LRP1B: variants seen among roughly 807,000 people sequenced by gnomAD.
The protein encoded by LRP1B is LDL receptor related protein 1B.
A neutral mutation model predicts 556.6 loss-of-function variants in LRP1B; 217 were observed. The ratio of observed to expected loss-of-function variants is 0.39; its 90% confidence interval spans 0.35 to 0.44. LRP1B has a LOEUF of 0.44. Ranked by LOEUF, LRP1B falls within the 20% of genes least tolerant of loss-of-function variation. The pLI is 1.00. For missense variants in LRP1B, 5,053 were observed against 5,620.8 expected (o/e 0.90, Z 3.23); for synonymous variants, 2,047 against 1,865.8 (o/e 1.10, Z -2.50).
At chr2:141,535,307 T>G (rs940689927) in intron 2 of LRP1B, among the ~76,000 whole-genome samples, 1 of 152,252 alleles carries the variant, frequency 6.6e-6, no homozygotes, top group East Asian at 1.9e-4. Context: ...CTTTCAACTT[T>G]TTATGCACGT....
At chr2:140,811,932 C>T (rs1690941734) in intron 32 of LRP1B, among the ~76,000 whole-genome samples, 3 of 151,810 alleles carry the variant, frequency 2.0e-5, no homozygotes, top group African/African-American at 7.3e-5. Context: ...CCCAAAGACT[C>T]AAAAGAAAAT....
At chr2:140,956,134 T>C (rs1695865798) in intron 18 of LRP1B, among the ~76,000 whole-genome samples, 2 of 151,890 alleles carry the variant, frequency 1.3e-5, no homozygotes, top group Middle Eastern at 3.4e-3. Flanking sequence ...ATTTATTGAA[T>C]ATATGATACT....
At chr2:141,771,611 T>C (rs1006799977) in intron 2 of LRP1B, among the ~76,000 whole-genome samples, 7 of 152,260 alleles carry the variant, frequency 4.6e-5, no homozygotes, top group African/African-American at 1.7e-4. Context: ...AGAAATTGAT[T>C]TTATTCCCTA....
intron 41 of LRP1B, among the ~76,000 whole-genome samples, chr2:140,669,290 A>G (rs1685398570): frequency 6.6e-6 from 1 of 152,220 alleles, no homozygotes; most frequent in African/African-American, 2.4e-5. Context: ...AAGTGTTATT[A>G]TTTACACACA....
intron 3 of LRP1B, among the ~76,000 whole-genome samples, chr2:141,463,557 A>AAT (rs1175959235): frequency 4.4e-5 from 1 of 22,828 alleles, no homozygotes; most frequent in Non-Finnish European, 1.2e-4. Context: ...AATTATATAT[A>AAT]ATATATATTA....
rs1331414901 is a variant in LRP1B at position 140,868,169 on chromosome 2, T to C, written c.4264A>G (p.Lys1422Glu). The change falls in exon 26 of 91, where the codon AAA becomes GAA. Residue 1422 changes from lysine to glutamate, a missense_variant. Physicochemically the swap from Lys to Glu is moderately conservative, Grantham distance 56. This residue lies in a region of LRP1B where 3,619 missense variants were observed against 3,931.9 expected (regional missense o/e 0.92). Coordinates refer to ENST00000389484, the MANE Select transcript of LRP1B (RefSeq NM_018557.3). ...AGRKTIYKDMKTGAWPNGLTV... is the reference protein window; with the variant it reads ...AGRKTIYKDMETGAWPNGLTV... ...AGTCCATTAGGCCAAGCCCCAGTTT[T>C]CATGTCTTTATAGATGGTTTTTCTC... 2 of 1,611,924 alleles carry C rather than the reference T, an allele frequency of 1.2e-6. No individual in the cohort carries two copies. The highest frequency in any genetic ancestry group is 2.2e-5 in the South Asian group (2 of 90,948).
intron 15 of LRP1B, among the ~76,000 whole-genome samples, chr2:141,001,891 A>G (rs1237380584): frequency 2.0e-5 from 3 of 152,124 alleles, no homozygotes; most frequent in Non-Finnish European, 4.4e-5. Context: ...AACAACTTTA[A>G]AAGACTCCTT....
intron 7 of LRP1B, among the ~76,000 whole-genome samples, chr2:141,131,513 A>G (rs933087956): frequency 3.3e-5 from 5 of 150,288 alleles, no homozygotes; most frequent in South Asian, 2.1e-4. Flanking sequence ...GGTTTAATAA[A>G]TGATACTCTC....
intron 1 of LRP1B, among the ~76,000 whole-genome samples, chr2:141,960,086 T>C (rs753211435): frequency 4.0e-5 from 6 of 151,868 alleles, no homozygotes; most frequent in African/African-American, 9.7e-5. Context: ...GAGAGGGACA[T>C]AGAATGTGTT....
chr2:141,249,187 T>C (rs1684173749), intron 4 of LRP1B, among the ~76,000 whole-genome samples: 1 of 152,094 alleles, frequency 6.6e-6, no homozygotes, highest in Non-Finnish European at 1.5e-5. Context: ...CAATAGCATA[T>C]ATATAATAGA....
intron 7 of LRP1B, among the ~76,000 whole-genome samples, chr2:141,070,398 A>C (rs1699605024): frequency 6.6e-6 from 1 of 151,632 alleles, no homozygotes; most frequent in Non-Finnish European, 1.5e-5. Flanking sequence ...CACAAGAGAA[A>C]GCAGGAAAGA....
rs552834689 is a variant in LRP1B at position 141,344,279 on chromosome 2, G to A, written c.344-89638C>T. On this transcript the variant is annotated intron_variant, in intron 3 of 90. Coordinates refer to ENST00000389484, the MANE Select transcript of LRP1B (RefSeq NM_018557.3). ...CACATCTCACTTAGTAACAGCTAAAGTCCTTACACAGGTCTACAGGGTCCT... is the reference window on the plus strand; with the variant it reads ...CACATCTCACTTAGTAACAGCTAAAATCCTTACACAGGTCTACAGGGTCCT... Among the ~76,000 whole-genome samples, 10 of 152,168 alleles carry A rather than the reference G, an allele frequency of 6.6e-5. No homozygotes were observed. In the South Asian group the frequency reaches 2.1e-3, roughly 32 times the overall value.
intron 87 of LRP1B, among the ~76,000 whole-genome samples, chr2:140,240,162 G>A (rs1471952105): frequency 6.6e-6 from 1 of 150,772 alleles, no homozygotes; most frequent in Admixed American, 6.6e-5. Context: ...AGGGCAGTTA[G>A]CTTGATTCCA....
chr2:141,884,110 C>T (rs1412702721), intron 1 of LRP1B, among the ~76,000 whole-genome samples: 6 of 152,132 alleles, frequency 3.9e-5, no homozygotes, highest in Non-Finnish European at 5.9e-5. Flanking sequence ...TGTGGTTGCT[C>T]ACACTTGAAA....
chr2:141,465,674 C>G (rs1682162969), intron 3 of LRP1B, among the ~76,000 whole-genome samples: 1 of 151,906 alleles, frequency 6.6e-6, no homozygotes, highest in Non-Finnish European at 1.5e-5. Flanking sequence ...CTCAGCCCCC[C>G]AAGTAGCTAG....
intron 32 of LRP1B, among the ~76,000 whole-genome samples, chr2:140,811,644 T>C (rs925364874): frequency 3.9e-5 from 6 of 152,142 alleles, no homozygotes; most frequent in African/African-American, 1.2e-4. Context: ...TACAGCTTAC[T>C]CAACTACTTT....
intron 3 of LRP1B, among the ~76,000 whole-genome samples, chr2:141,382,717 A>G (rs1179806559): frequency 6.6e-6 from 1 of 152,236 alleles, no homozygotes; most frequent in Non-Finnish European, 1.5e-5. Flanking sequence ...AACAAATGCA[A>G]CAACGCATTA....
At position 140,264,288 on chromosome 2, in the gene LRP1B, G is replaced by A. The variant is rs556948032; in HGVS notation, c.13247+5954C>T. On this transcript the variant is annotated intron_variant, in intron 86 of 90. Transcript: ENST00000389484. Reference sequence around the variant, plus strand: ...GTGTCACTCAGGCTGGAGTGCAATGGCGCAGTCTCAGCTCACTGCAACCTC... The same window carrying A: ...GTGTCACTCAGGCTGGAGTGCAATGACGCAGTCTCAGCTCACTGCAACCTC... 3.5e-4 allele frequency among the ~76,000 whole-genome samples: 54 copies of A among 152,164 alleles called. 1 individual carries two copies. The highest frequency in any genetic ancestry group is 1.3e-3 in the African/African-American group (52 of 41,520).
chr2:141,093,808 G>C (rs890867555), intron 7 of LRP1B, among the ~76,000 whole-genome samples: 2 of 149,622 alleles, frequency 1.3e-5, no homozygotes, highest in African/African-American at 4.9e-5. Flanking sequence ...TCCACCCCCC[G>C]GGTTCAATCA....
Sources: gnomAD v4.1 joint callset for allele counts (sites outside exome capture counted in the v4.1 genomes callset) on GRCh38, gnomAD v4.1.1 for gene constraint, gnomAD v4.1.1 regional missense constraint, MANE v1.5 for transcripts, NCBI Gene and HGNC (gene_info 2026-07-23, HGNC 2026-07-21) for gene names.